The following RHEB variants were observed in gnomAD, a reference collection of about 807,000 sequenced individuals.
RHEB encodes the protein Ras homolog, mTORC1 binding.
In RHEB, 2 loss-of-function variants were observed where a neutral mutation model predicts 28.8. That is an observed-to-expected ratio of 0.07 (90% CI 0.03 to 0.22). The LOEUF (loss-of-function observed/expected upper bound fraction) is 0.22. Ranked by LOEUF, RHEB falls within the 10% of genes least tolerant of loss-of-function variation. The probability of loss-of-function intolerance (pLI) is 1.00; values close to 1 mark genes in which losing one functional copy is unlikely to be tolerated. For synonymous variants in RHEB, 69 were observed against 77.3 expected, an observed-to-expected ratio of 0.89 and a Z score of 0.56; for missense variants, 76 against 219.9, an observed-to-expected ratio of 0.35 and a Z score of 4.14.
chr7:151,511,015 C>G (rs1012890365), intron 1 of RHEB, among the ~76,000 whole-genome samples: 2 of 152,040 alleles, frequency 1.3e-5, no homozygotes, highest in African/African-American at 4.8e-5. Flanking sequence ...AAGGTTGAAG[C>G]TGCAGTGTGC....
intron 1 of RHEB, among the ~76,000 whole-genome samples, chr7:151,492,119 G>A (rs1223048090): frequency 1.3e-5 from 2 of 152,140 alleles, no homozygotes; most frequent in African/African-American, 4.8e-5. Context: ...TTACACACAT[G>A]CTGTATATGC....
At chr7:151,500,820 TAGAAAATCAAAA>T (rs1459093710) in intron 1 of RHEB, among the ~76,000 whole-genome samples, 1 of 152,088 alleles carries the variant, frequency 6.6e-6, no homozygotes, top group Non-Finnish European at 1.5e-5. Flanking sequence ...CTCATCTCTA[TAGAAAATCAAAA>T]AATGAGCCAG....
chr7:151,519,553 G>C lies in RHEB; in HGVS notation c.-42C>G. The C allele has an allele frequency of 6.6e-7, 1 of 1,511,642 alleles. No homozygotes were observed. Among genetic ancestry groups the C allele is most frequent in the Non-Finnish European group, 8.9e-7 (1 of 1,126,420 alleles). 93.6% of individuals were successfully genotyped at this position (1,511,642 alleles called of 1,614,324 possible). Reference sequence around the variant, plus strand: ...GCCCCGGCCCAACCACATCAACCGCGGCGGCGGTGGCTCCTGCTGCTGTGA... The same window carrying C: ...GCCCCGGCCCAACCACATCAACCGCCGCGGCGGTGGCTCCTGCTGCTGTGA... On this transcript the variant is annotated 5_prime_UTR_variant, in exon 1 of 8. Transcript: ENST00000262187.
intron 1 of RHEB, chr7:151,502,177 A>C (rs1158569066): frequency 2.3e-6 from 1 of 437,928 alleles, no homozygotes; most frequent in African/African-American, 2.1e-5. Flanking sequence ...CTTATGTGGC[A>C]GTGAGGCAAG....
intron 3 of RHEB, among the ~76,000 whole-genome samples, chr7:151,479,898 A>C (rs542001529): frequency 1.3e-5 from 2 of 152,336 alleles, no homozygotes; most frequent in African/African-American, 4.8e-5. Flanking sequence ...AAAAATGGCC[A>C]AGTACACAGA....
At chr7:151,476,773 C>T (rs1346957639) in intron 4 of RHEB, among the ~76,000 whole-genome samples, 1 of 152,112 alleles carries the variant, frequency 6.6e-6, no homozygotes, top group Admixed American at 6.5e-5. Context: ...GCCAGCTGTT[C>T]TGTTAACAGA....
At chr7:151,498,981 G>A (rs1198979087) in intron 1 of RHEB, among the ~76,000 whole-genome samples, 3 of 152,188 alleles carry the variant, frequency 2.0e-5, no homozygotes, top group Admixed American at 6.5e-5. Flanking sequence ...TATTAAGTGC[G>A]AGGCACAATT....
At chr7:151,499,202 C>CA (rs1802727569) in intron 1 of RHEB, among the ~76,000 whole-genome samples, 1 of 152,000 alleles carries the variant, frequency 6.6e-6, no homozygotes, top group Admixed American at 6.6e-5. Flanking sequence ...ACTAAAAATA[C>CA]AAAAAAATAG....
chr7:151,506,188 C>CT lies in RHEB; in HGVS notation c.52+13271dup, dbSNP rs574892432. Among the ~76,000 whole-genome samples, 1,395 of 139,852 alleles carry CT rather than the reference C, an allele frequency of 1.0e-2. 16 individuals are homozygous for CT. The highest frequency in any genetic ancestry group is 0.019 in the African/African-American group (710 of 38,206). 91.7% of individuals were successfully genotyped at this position (139,852 alleles called of 152,430 possible). ...TTTTTTTTAAAAGATAATGCATTTA[C>CT]TTTTTTTTTTTTTTTTGAGACAGGG... is the stretch of plus-strand genomic sequence containing the variant. On this transcript the variant is annotated intron_variant, in intron 1 of 7. Coordinates refer to ENST00000262187, the MANE Select transcript of RHEB (RefSeq NM_005614.4).
At chr7:151,483,054 C>T (rs1319022952) in intron 3 of RHEB, among the ~76,000 whole-genome samples, 2 of 152,202 alleles carry the variant, frequency 1.3e-5, no homozygotes, top group African/African-American at 2.4e-5. Context: ...TGCTAAAGCA[C>T]ACTGCATCAC....
Position 151,496,010 on chromosome 7 carries a change from G to A in RHEB, c.53-4996C>T, listed in dbSNP as rs185740178. Among the ~76,000 whole-genome samples the A allele has an allele frequency of 4.6e-5, 7 of 152,224 alleles. No homozygotes were observed. The East Asian group carries it at 1.4e-3, about 29-fold the overall frequency. ...TTGCTTGTTCATTGGGATATGATGG[G>A]GAAGACCAGATTTTCAATCTATTAA... is the stretch of plus-strand genomic sequence containing the variant. On this transcript the variant is annotated intron_variant, in intron 1 of 7. Coordinates refer to ENST00000262187, the MANE Select transcript of RHEB (RefSeq NM_005614.4).
At chr7:151,508,126 G>A (rs1455583847) in intron 1 of RHEB, among the ~76,000 whole-genome samples, 2 of 152,080 alleles carry the variant, frequency 1.3e-5, no homozygotes, top group African/African-American at 2.4e-5. Context: ...GAGAAGACCT[G>A]GGATACAGGT....
intron 1 of RHEB, chr7:151,498,324 G>A (rs1802709459): frequency 2.5e-6 from 1 of 406,190 alleles, no homozygotes; most frequent in African/African-American, 2.1e-5. Flanking sequence ...AACTCAATGA[G>A]TACCACTGAA....
intron 1 of RHEB, among the ~76,000 whole-genome samples, chr7:151,495,408 T>G (rs992537146): frequency 6.6e-6 from 1 of 152,218 alleles, no homozygotes; most frequent in Non-Finnish European, 1.5e-5. Context: ...CCACCTTAAC[T>G]TTTAAAAATA....
At chr7:151,488,436 A>G (rs1802522347) in intron 2 of RHEB, among the ~76,000 whole-genome samples, 1 of 152,242 alleles carries the variant, frequency 6.6e-6, no homozygotes, top group Non-Finnish European at 1.5e-5. Flanking sequence ...TCTACAGAGC[A>G]GTTTTTTAAA....
intron 2 of RHEB, among the ~76,000 whole-genome samples, chr7:151,486,303 A>G (rs942956005): frequency 5.9e-5 from 9 of 152,212 alleles, no homozygotes; most frequent in Non-Finnish European, 1.0e-4. Flanking sequence ...TACTGAAAGG[A>G]AACATCATTC....
At chr7:151,494,902 A>C (rs1293432907) in intron 1 of RHEB, among the ~76,000 whole-genome samples, 1 of 152,252 alleles carries the variant, frequency 6.6e-6, no homozygotes. Context: ...TTGACAAGTC[A>C]GCATTAAATG....
intron 1 of RHEB, chr7:151,502,473 G>A: frequency 1.1e-6 from 1 of 876,534 alleles, no homozygotes; most frequent in South Asian, 1.3e-5. Context: ...GTTGTTTACT[G>A]TGGAACAACT....
intron 1 of RHEB, chr7:151,502,628 T>C: frequency 1.9e-6 from 3 of 1,583,416 alleles, no homozygotes; most frequent in East Asian, 4.5e-5. Flanking sequence ...TTTGGATTCA[T>C]TGTAATAGAT....
Sources: gnomAD v4.1 joint callset for allele counts (sites outside exome capture counted in the v4.1 genomes callset) on GRCh38, gnomAD v4.1.1 for gene constraint, MANE v1.5 for transcripts, NCBI Gene and HGNC (gene_info 2026-07-23, HGNC 2026-07-21) for gene names.